METTL24: variants seen among roughly 807,000 people sequenced by gnomAD.
The protein encoded by METTL24 is methyltransferase like 24.
A neutral mutation model predicts 32.7 loss-of-function variants in METTL24; 29 were observed. That is an observed-to-expected ratio of 0.89 (90% CI 0.66 to 1.21). The LOEUF (loss-of-function observed/expected upper bound fraction) is 1.21, where lower values mean the gene tolerates loss of function less well. Ranked by LOEUF, METTL24 falls within the 50% of genes most tolerant of loss-of-function variation. METTL24 has a pLI of 0.00. For missense variants in METTL24, 439 were observed against 468.1 expected (o/e 0.94, Z 0.57); for synonymous variants, 163 against 179.5 (o/e 0.91, Z 0.73).
At chr6:110,336,911 G>T (rs771650519) in intron 1 of METTL24, among the ~76,000 whole-genome samples, 28 of 152,164 alleles carry the variant, frequency 1.8e-4, no homozygotes, top group Admixed American at 3.9e-4. Context: ...CCCATCAATC[G>T]CATTATTGGG....
intron 4 of METTL24, among the ~76,000 whole-genome samples, chr6:110,266,969 A>C (rs985996583): frequency 6.6e-6 from 1 of 152,222 alleles, no homozygotes; most frequent in Non-Finnish European, 1.5e-5. Context: ...ACCTGAAAAA[A>C]AAAGCTGTAA....
intron 1 of METTL24, among the ~76,000 whole-genome samples, chr6:110,345,232 A>G (rs994420519): frequency 6.6e-6 from 1 of 152,250 alleles, no homozygotes; most frequent in African/African-American, 2.4e-5. Flanking sequence ...ATGAGATACC[A>G]TCTCACACCA....
At chr6:110,351,854 C>T (rs1433712400) in intron 1 of METTL24, among the ~76,000 whole-genome samples, 5 of 152,170 alleles carry the variant, frequency 3.3e-5, no homozygotes, top group South Asian at 4.1e-4. Flanking sequence ...CTGGGATTTC[C>T]GTAACAGCCC....
At chr6:110,294,534 A>C (rs1407473027) in intron 4 of METTL24, among the ~76,000 whole-genome samples, 1 of 152,096 alleles carries the variant, frequency 6.6e-6, no homozygotes, top group East Asian at 1.9e-4. Context: ...AGTAGAAGTT[A>C]GTCCCAATAT....
chr6:110,356,405 T>C (rs547281466), intron 1 of METTL24, among the ~76,000 whole-genome samples: 8 of 151,734 alleles, frequency 5.3e-5, no homozygotes, highest in Non-Finnish European at 8.8e-5. Flanking sequence ...ATCAAGCCAC[T>C]GTACTCCAGC....
chr6:110,286,172 G>A (rs1479223105), intron 4 of METTL24, among the ~76,000 whole-genome samples: 1 of 152,170 alleles, frequency 6.6e-6, no homozygotes. Flanking sequence ...AGAGAGAGGG[G>A]ATGCTGCAGA....
intron 4 of METTL24, among the ~76,000 whole-genome samples, chr6:110,295,557 C>T (rs1771397924): frequency 6.6e-6 from 1 of 152,200 alleles, no homozygotes; most frequent in Admixed American, 6.5e-5. Flanking sequence ...TCAATTAATT[C>T]TCAGCAGTTT....
rs568586112 is a variant in METTL24, at chr6:110,281,650, A to G, written c.786+17272T>C. ...AGCGATGGAGTGAGACTCTGTCTCA[A>G]AAAAAAAAAAAAGGAGCGGGGGGAG... is the stretch of plus-strand genomic sequence containing the variant. On this transcript the variant is annotated intron_variant, in intron 4 of 4. Coordinates refer to ENST00000338882, the MANE Select transcript of METTL24 (RefSeq NM_001123364.3). Among the ~76,000 whole-genome samples the G allele has an allele frequency of 7.5e-5, 11 of 145,978 alleles. No homozygotes were observed. The East Asian group carries it at 2.2e-3, about 29-fold the overall frequency.
chr6:110,348,513 T>C (rs1453971400), intron 1 of METTL24, among the ~76,000 whole-genome samples: 1 of 152,262 alleles, frequency 6.6e-6, no homozygotes, highest in Non-Finnish European at 1.5e-5. Context: ...TCAATGAGCA[T>C]GTATTTTGCT....
intron 4 of METTL24, among the ~76,000 whole-genome samples, chr6:110,274,297 T>TG (rs1771007024): frequency 6.6e-6 from 1 of 152,206 alleles, no homozygotes; most frequent in Non-Finnish European, 1.5e-5. Flanking sequence ...TTCACCATGT[T>TG]GGCCAGGCTG....
chr6:110,306,877 T>A (rs1243642096), intron 3 of METTL24, among the ~76,000 whole-genome samples: 1 of 152,174 alleles, frequency 6.6e-6, no homozygotes, highest in Non-Finnish European at 1.5e-5. Context: ...TCGTTGCTGA[T>A]GAGCACAGGA....
At chr6:110,296,024 T>C (rs1033065952) in intron 4 of METTL24, among the ~76,000 whole-genome samples, 1 of 151,594 alleles carries the variant, frequency 6.6e-6, no homozygotes, top group African/African-American at 2.4e-5. Flanking sequence ...GACAATCAAA[T>C]TGAGTGCCAG....
intron 1 of METTL24, among the ~76,000 whole-genome samples, chr6:110,348,693 T>C (rs1772530895): frequency 6.6e-6 from 1 of 152,234 alleles, no homozygotes; most frequent in Non-Finnish European, 1.5e-5. Context: ...CAGCTCCAAC[T>C]AAAAATGAGT....
At chr6:110,252,533 A>T (rs1338428686) in intron 4 of METTL24, among the ~76,000 whole-genome samples, 1 of 152,212 alleles carries the variant, frequency 6.6e-6, no homozygotes, top group Non-Finnish European at 1.5e-5. Flanking sequence ...GAATTTCTTC[A>T]ACCCATAACA....
intron 3 of METTL24, among the ~76,000 whole-genome samples, chr6:110,307,501 C>A (rs1024064289): frequency 6.6e-6 from 1 of 152,136 alleles, no homozygotes; most frequent in Non-Finnish European, 1.5e-5. Flanking sequence ...ACAACTAGTC[C>A]ATTTTTTGCC....
chr6:110,338,361 G>C (rs1369579567), intron 1 of METTL24, among the ~76,000 whole-genome samples: 1 of 152,124 alleles, frequency 6.6e-6, no homozygotes, highest in African/African-American at 2.4e-5. Flanking sequence ...AGCTGGGCGT[G>C]ATGGTGCATG....
chr6:110,264,121 G>A (rs1417223323), intron 4 of METTL24, among the ~76,000 whole-genome samples: 1 of 151,474 alleles, frequency 6.6e-6, no homozygotes, highest in African/African-American at 2.4e-5. Flanking sequence ...ATTGACAAAT[G>A]GGATCTAATT....
chr6:110,340,566 T>C (rs1016589325), intron 1 of METTL24, among the ~76,000 whole-genome samples: 8 of 152,208 alleles, frequency 5.3e-5, no homozygotes, highest in Non-Finnish European at 8.8e-5. Flanking sequence ...CCACTCTTCA[T>C]GAGCGACCTT....
chr6:110,340,976 C>T (rs963430557), intron 1 of METTL24, among the ~76,000 whole-genome samples: 1 of 152,100 alleles, frequency 6.6e-6, no homozygotes, highest in African/African-American at 2.4e-5. Context: ...TTCCCTTACC[C>T]TACTTCTCAC....
Sources: gnomAD v4.1 joint callset for allele counts (sites outside exome capture counted in the v4.1 genomes callset) on GRCh38, gnomAD v4.1.1 for gene constraint, MANE v1.5 for transcripts, NCBI Gene and HGNC (gene_info 2026-07-23, HGNC 2026-07-21) for gene names.